Variants in GABRA2 observed in about 807,000 individuals in gnomAD.
The protein encoded by GABRA2 is gamma-aminobutyric acid type A receptor subunit alpha2, also known as gamma-aminobutyric acid receptor subunit alpha-2.
GABRA2 carries 16 observed loss-of-function variants against 48.7 expected under a neutral mutation model. The observed-to-expected ratio is 0.33, with a 90% CI of 0.22 to 0.50. The LOEUF (loss-of-function observed/expected upper bound fraction) is 0.50. Ranked by LOEUF, GABRA2 falls within the 20% of genes least tolerant of loss-of-function variation. The probability of loss-of-function intolerance (pLI) is 0.98; values close to 1 mark genes in which losing one functional copy is unlikely to be tolerated. For missense variants in GABRA2, 275 were observed against 535.6 expected, an observed-to-expected ratio of 0.51 and a Z score of 4.80; for synonymous variants, 185 against 184.5, an observed-to-expected ratio of 1.00 and a Z score of -0.02.
chr4:46,376,933 C>G (rs940241045), intron 3 of GABRA2, among the ~76,000 whole-genome samples: 1 of 152,116 alleles, frequency 6.6e-6, no homozygotes. Flanking sequence ...GACGGGGTTT[C>G]GCTGTGTTGG....
intron 3 of GABRA2, among the ~76,000 whole-genome samples, chr4:46,385,679 C>T (rs1436925824): frequency 1.3e-5 from 2 of 151,904 alleles, no homozygotes; most frequent in African/African-American, 4.8e-5. Flanking sequence ...TTTTTATGTT[C>T]CTCATTTCTG....
At chr4:46,330,916 T>C (rs1235217592) in intron 4 of GABRA2, among the ~76,000 whole-genome samples, 2 of 152,060 alleles carry the variant, frequency 1.3e-5, no homozygotes, top group Non-Finnish European at 2.9e-5. Flanking sequence ...TGGGAACATT[T>C]AAGACAAGCT....
intron 3 of GABRA2, among the ~76,000 whole-genome samples, chr4:46,341,085 A>G (rs941348952): frequency 1.3e-5 from 2 of 151,948 alleles, no homozygotes; most frequent in Non-Finnish European, 2.9e-5. Context: ...TAAAAAATAT[A>G]TGATGTCCAT....
chr4:46,390,177 A>G, upstream of GABRA2: 2 of 177,926 alleles, frequency 1.1e-5, no homozygotes, highest in Admixed American at 7.3e-5. Flanking sequence ...GGTTCCCGGG[A>G]AGGCAGGGCC....
intron 3 of GABRA2, among the ~76,000 whole-genome samples, chr4:46,373,080 A>G (rs1402543975): frequency 6.6e-6 from 1 of 152,202 alleles, no homozygotes; most frequent in African/African-American, 2.4e-5. Flanking sequence ...TGAGGCTGAG[A>G]TGACTGTATT....
chr4:46,305,843 C>CA, intron 6 of GABRA2, 132 bp from the exon 7 acceptor site: 1 of 609,356 alleles, frequency 1.6e-6, no homozygotes, highest in Admixed American at 3.3e-5. Context: ...ACATTTAGGG[C>CA]AAAAATGTCT....
In GABRA2 at chr4:46,248,557, T is replaced by C. The variant is rs1030846904; in HGVS notation, c.*1751A>G. On this transcript the variant is annotated 3_prime_UTR_variant, in exon 10 of 10. Coordinates refer to ENST00000381620, the MANE Select transcript of GABRA2 (RefSeq NM_000807.4). The stretch of plus-strand genomic sequence containing the variant: ...GCAAATTCCGTTAATAAGTTGCATT[T>C]GTGACCTTGGTTTTATACAAGCATG... 1 of 151,466 alleles carries C rather than the reference T, an allele frequency of 6.6e-6. No homozygotes were observed. The highest frequency in any genetic ancestry group is 1.5e-5 in the Non-Finnish European group (1 of 67,654). The allele number at this position is 151,466 out of a possible 1,614,324, so 9.4% of individuals were successfully genotyped here. A position where few individuals can be genotyped will look rare whatever the true frequency, so the allele number is the denominator to read the frequency against.
At chr4:46,374,804 A>G (rs1308561440) in intron 3 of GABRA2, among the ~76,000 whole-genome samples, 1 of 151,718 alleles carries the variant, frequency 6.6e-6, no homozygotes, top group Non-Finnish European at 1.5e-5. Flanking sequence ...CTAATTCATC[A>G]TATTCTCTAA....
At chr4:46,304,100 A>C (rs1726219907) in intron 7 of GABRA2, among the ~76,000 whole-genome samples, 1 of 152,112 alleles carries the variant, frequency 6.6e-6, no homozygotes, top group African/African-American at 2.4e-5. Context: ...TTTCCTCTCT[A>C]AGTCATGCTT....
chr4:46,311,776 C>A (rs1727681769), intron 5 of GABRA2, among the ~76,000 whole-genome samples: 1 of 152,044 alleles, frequency 6.6e-6, no homozygotes, highest in Non-Finnish European at 1.5e-5. Context: ...GTTATTTTTT[C>A]TTTGGAGTAA....
At chr4:46,262,372 A>C (rs1356715843) in intron 8 of GABRA2, among the ~76,000 whole-genome samples, 1 of 152,126 alleles carries the variant, frequency 6.6e-6, no homozygotes, top group Non-Finnish European at 1.5e-5. Flanking sequence ...TTTGTTCTGT[A>C]TAAAAATCAA....
At chr4:46,285,767 GT>G (rs574335219) in intron 8 of GABRA2, among the ~76,000 whole-genome samples, 6 of 149,244 alleles carry the variant, frequency 4.0e-5, no homozygotes, top group Middle Eastern at 3.4e-3. Flanking sequence ...ATGAAATCTT[GT>G]TTTTTTTTAA....
At chr4:46,329,134 T>C (rs746091600) in intron 4 of GABRA2, among the ~76,000 whole-genome samples, 1 of 152,064 alleles carries the variant, frequency 6.6e-6, no homozygotes, top group African/African-American at 2.4e-5. Context: ...TGGTCCTCAG[T>C]TTACATCTTC....
chr4:46,252,500 TA>T (rs3841990), intron 9 of GABRA2, among the ~76,000 whole-genome samples: 75,964 of 150,978 alleles, frequency 0.5, 20,436 homozygotes, highest in South Asian at 0.78. Context: ...AAATGAAGGC[TA>T]AAAAAGTTTT....
intron 8 of GABRA2, among the ~76,000 whole-genome samples, chr4:46,296,779 C>T (rs867954207): frequency 1.3e-4 from 20 of 151,870 alleles, no homozygotes; most frequent in South Asian, 2.1e-4. Context: ...GTTGCAGACA[C>T]AAGGACTTAA....
intron 3 of GABRA2, among the ~76,000 whole-genome samples, chr4:46,357,477 T>C (rs1380002339): frequency 1.3e-5 from 2 of 149,818 alleles, no homozygotes; most frequent in Non-Finnish European, 3.0e-5. Flanking sequence ...TTCTCTCACT[T>C]ACTATGTGTA....
At chr4:46,338,653 C>T (rs1174665297) in intron 3 of GABRA2, among the ~76,000 whole-genome samples, 2 of 151,774 alleles carry the variant, frequency 1.3e-5, no homozygotes, top group South Asian at 2.1e-4. Context: ...GTGCCAATTA[C>T]TTGACTTTTG....
At chr4:46,341,139 T>G (rs1733152921) in intron 3 of GABRA2, among the ~76,000 whole-genome samples, 1 of 152,014 alleles carries the variant, frequency 6.6e-6, no homozygotes, top group African/African-American at 2.4e-5. Context: ...GTTTTTATAC[T>G]TTCCTTTTAT....
At chr4:46,369,815 C>T (rs910742898) in intron 3 of GABRA2, among the ~76,000 whole-genome samples, 4 of 151,804 alleles carry the variant, frequency 2.6e-5, no homozygotes, top group Admixed American at 6.6e-5. Context: ...AATATAGTAA[C>T]GGGAGATTTG....
Sources: gnomAD v4.1 joint callset for allele counts (sites outside exome capture counted in the v4.1 genomes callset) on GRCh38, gnomAD v4.1.1 for gene constraint, MANE v1.5 for transcripts, NCBI Gene and HGNC (gene_info 2026-07-23, HGNC 2026-07-21) for gene names.